The following THSD7B variants were observed in gnomAD, a reference collection of about 807,000 sequenced individuals.
The protein encoded by THSD7B is thrombospondin type-1 domain-containing protein 7B.
A neutral mutation model predicts 213.6 loss-of-function variants in THSD7B; 138 were observed. That is an observed-to-expected ratio of 0.65 (90% CI 0.56 to 0.74). The LOEUF (loss-of-function observed/expected upper bound fraction) is 0.74, where lower values mean the gene tolerates loss of function less well. Among genes scored for constraint, THSD7B ranks in the 30% least tolerant of loss-of-function variants. The pLI, the probability that THSD7B is intolerant of heterozygous loss-of-function variation, is 0.00. For synonymous variants in THSD7B, 742 were observed against 687.0 expected (o/e 1.08, Z -1.25); for missense variants, 1,931 against 1,991.5 (o/e 0.97, Z 0.58).
intron 3 of THSD7B, among the ~76,000 whole-genome samples, chr2:137,081,956 C>G (rs1462532653): frequency 6.6e-6 from 1 of 152,022 alleles, no homozygotes; most frequent in Non-Finnish European, 1.5e-5. Flanking sequence ...TTTCCCTCCT[C>G]TAATTTCTTC....
chr2:137,659,903 T>C (rs1683311301), intron 25 of THSD7B, among the ~76,000 whole-genome samples, 157 bp downstream of exon 25: 1 of 152,228 alleles, frequency 6.6e-6, no homozygotes, highest in African/African-American at 2.4e-5. Context: ...TTATAAAGAA[T>C]TTCTCGTCAG....
At chr2:136,978,993 G>T (rs551118865) in intron 2 of THSD7B, among the ~76,000 whole-genome samples, 2 of 151,628 alleles carry the variant, frequency 1.3e-5, no homozygotes, top group East Asian at 3.9e-4. Flanking sequence ...TGGTGGTGAT[G>T]AATTCCCTTA....
intron 1 of THSD7B, among the ~76,000 whole-genome samples, chr2:136,872,597 T>G (rs936068675): frequency 6.6e-6 from 1 of 151,554 alleles, no homozygotes; most frequent in African/African-American, 2.4e-5. Context: ...CTTTCTTTCT[T>G]TCTTCCTTTT....
chr2:137,142,916 G>A (rs922035380), intron 5 of THSD7B, among the ~76,000 whole-genome samples: 1 of 152,096 alleles, frequency 6.6e-6, no homozygotes, highest in African/African-American at 2.4e-5. Context: ...TTATTGAGAT[G>A]AGTTCTTTTT....
chr2:137,154,129 A>T (rs1201193782), intron 5 of THSD7B, among the ~76,000 whole-genome samples: 1 of 152,174 alleles, frequency 6.6e-6, no homozygotes, highest in Non-Finnish European at 1.5e-5. Flanking sequence ...AGGGTTACTT[A>T]GGTACCCCTA....
intron 2 of THSD7B, among the ~76,000 whole-genome samples, chr2:137,028,715 G>C (rs546926905): frequency 1.3e-5 from 2 of 152,194 alleles, no homozygotes; most frequent in Non-Finnish European, 2.9e-5. Flanking sequence ...TGCTGTGGAC[G>C]CTCAAGGTGG....
intron 1 of THSD7B, among the ~76,000 whole-genome samples, chr2:136,772,024 C>T (rs1393176379): frequency 6.6e-6 from 1 of 152,040 alleles, no homozygotes; most frequent in Non-Finnish European, 1.5e-5. Flanking sequence ...AAAGTAGGTA[C>T]TGTTATTTAG....
rs1177363420 is a variant in THSD7B, at chr2:137,546,410, ATATATTATATATATT to A, written c.3139-16810_3139-16796del. 6.9e-4 allele frequency among the ~76,000 whole-genome samples: 23 copies of A among 33,406 alleles called. 1 individual carries two copies. The highest frequency in any genetic ancestry group is 2.5e-3 in the African/African-American group (14 of 5,588). The allele number at this position is 33,406 out of a possible 152,430, so 21.9% of individuals were successfully genotyped here. On this transcript the variant is annotated intron_variant, in intron 15 of 27. Transcript: ENST00000409968. ...ATTATATATATTATATATATTATAT[ATATATTATATATATT>A]ATATATATATTATATATATTATATA...
intron 2 of THSD7B, among the ~76,000 whole-genome samples, chr2:137,033,438 C>T (rs1032119501): frequency 2.0e-5 from 3 of 152,134 alleles, no homozygotes; most frequent in Admixed American, 1.3e-4. Context: ...CAGTCACTTC[C>T]ATCACATCTT....
chr2:137,205,418 T>G lies in THSD7B; in HGVS notation c.1724-25626T>G, dbSNP rs1680964672. ...TAAGTTTATCACAGCTGAAAAATGT[T>G]CAAATAAAGACACACCATTTGCTGA... is the stretch of plus-strand genomic sequence containing the variant. On this transcript the variant is annotated intron_variant, in intron 7 of 27. Transcript: ENST00000409968. 1.3e-5 allele frequency among the ~76,000 whole-genome samples: 2 copies of G among 152,078 alleles called. 1 individual carries two copies. The highest frequency in any genetic ancestry group is 4.8e-5 in the African/African-American group (2 of 41,438).
chr2:137,231,334 C>A, intron 8 of THSD7B, 99 bp downstream of exon 8: 1 of 1,127,778 alleles, frequency 8.9e-7, no homozygotes, highest in Non-Finnish European at 1.3e-6. Context: ...GAAATAGTCA[C>A]ACATAGACGA....
chr2:136,945,196 G>A (rs1684914271), intron 2 of THSD7B, among the ~76,000 whole-genome samples: 1 of 152,272 alleles, frequency 6.6e-6, no homozygotes, highest in Non-Finnish European at 1.5e-5. Context: ...TGATTCTCCT[G>A]AAGAATGTTG....
At chr2:136,968,677 C>T (rs1051251519) in intron 2 of THSD7B, among the ~76,000 whole-genome samples, 3 of 152,056 alleles carry the variant, frequency 2.0e-5, no homozygotes, top group South Asian at 4.1e-4. Context: ...GAAATCCTGT[C>T]CTACCCTGAA....
At chr2:137,541,217 C>T (rs962375428) in intron 15 of THSD7B, among the ~76,000 whole-genome samples, 1 of 151,372 alleles carries the variant, frequency 6.6e-6, no homozygotes, top group Non-Finnish European at 1.5e-5. Flanking sequence ...CAACAACAAA[C>T]TTTGGGAGAG....
At chr2:136,767,660 G>A (rs1016794649) in intron 1 of THSD7B, among the ~76,000 whole-genome samples, 11 of 152,022 alleles carry the variant, frequency 7.2e-5, no homozygotes, top group Non-Finnish European at 1.5e-4. Context: ...TAAAAACATC[G>A]GATAGTCTCG....
In THSD7B at chr2:137,057,113, C is replaced by A; in HGVS notation, c.833C>A (p.Thr278Asn). 6.2e-7 allele frequency: 1 copy of A among 1,613,952 alleles called. No homozygotes were observed. The highest frequency in any genetic ancestry group is 8.5e-7 in the Non-Finnish European group (1 of 1,179,886). ...AACTCTGATTCAAATGAGCGAGTCA[C>A]CTTTAAACATCAAAGTTACAAAGCA... The part of the protein sequence containing the change: ...DFNSDSNERV[T>N]FKHQSYKAHH... Residue 278 changes from threonine (T) to asparagine (N), a missense_variant, in exon 3 of 28, where the codon ACC (threonine) becomes AAC (asparagine). Transcript: ENST00000409968.
intron 3 of THSD7B, among the ~76,000 whole-genome samples, chr2:137,074,342 G>T (rs1224025854): frequency 6.6e-6 from 1 of 151,966 alleles, no homozygotes; most frequent in South Asian, 2.1e-4. Flanking sequence ...TTATGTAATG[G>T]CCTTCTTTGT....
chr2:137,181,884 A>G (rs968452521), intron 7 of THSD7B, among the ~76,000 whole-genome samples: 1 of 152,186 alleles, frequency 6.6e-6, no homozygotes, highest in African/African-American at 2.4e-5. Flanking sequence ...CCAAATTATC[A>G]AGATTATGTT....
intron 14 of THSD7B, among the ~76,000 whole-genome samples, chr2:137,412,138 C>T (rs1686671127): frequency 6.6e-6 from 1 of 152,020 alleles, no homozygotes; most frequent in Non-Finnish European, 1.5e-5. Context: ...TACTGGTGGT[C>T]AGCACTGCTG....
Sources: allele counts gnomAD v4.1 joint callset (sites outside exome capture counted in the v4.1 genomes callset), GRCh38; gene constraint gnomAD v4.1.1; transcripts MANE v1.5; gene names NCBI Gene and HGNC (gene_info 2026-07-23, HGNC 2026-07-21).